Variants in CSMD3 observed in about 807,000 individuals in gnomAD.
CSMD3 encodes CUB and Sushi multiple domains 3.
A neutral mutation model predicts 435.2 loss-of-function variants in CSMD3; 177 were observed. That is an observed-to-expected ratio of 0.41 (90% CI 0.36 to 0.46). CSMD3 has a LOEUF of 0.46. Ranked by LOEUF, CSMD3 falls within the 20% of genes least tolerant of loss-of-function variation. The pLI is 0.34. For synonymous variants in CSMD3, 1,656 were observed against 1,520.5 expected (o/e 1.09, Z -2.07); for missense variants, 4,265 against 4,504.6 (o/e 0.95, Z 1.52).
chr8:113,096,193 A>G (rs182704138), intron 5 of CSMD3, among the ~76,000 whole-genome samples: 132 of 152,242 alleles, frequency 8.7e-4, no homozygotes, highest in Admixed American at 3.9e-3. Flanking sequence ...CTACAGATTT[A>G]TTAGCCATCT....
chr8:112,407,372 C>T (rs1831949760), intron 34 of CSMD3, among the ~76,000 whole-genome samples: 1 of 151,292 alleles, frequency 6.6e-6, no homozygotes, highest in South Asian at 2.1e-4. Flanking sequence ...TTAATTGTGC[C>T]TTTTTTTTGG....
intron 38 of CSMD3, among the ~76,000 whole-genome samples, chr8:112,373,024 T>A (rs13277823): frequency 0.45 from 37,404 of 82,586 alleles, 5,316 homozygotes; most frequent in African/African-American, 0.47. Flanking sequence ...ATATATATAT[T>A]TTTTTTCTCA....
intron 35 of CSMD3, 60 bp from the exon 36 acceptor site, chr8:112,390,848 G>A (rs2129729421): frequency 1.3e-6 from 2 of 1,482,552 alleles, no homozygotes; most frequent in South Asian, 2.3e-5. Flanking sequence ...TAAAATAAGA[G>A]TAAAGGTCAG....
intron 1 of CSMD3, among the ~76,000 whole-genome samples, chr8:113,367,347 T>C (rs2133032026): frequency 6.6e-6 from 1 of 152,006 alleles, no homozygotes; most frequent in African/African-American, 2.4e-5. Context: ...ATGAAGAAAG[T>C]AAAATAAATC....
intron 11 of CSMD3, among the ~76,000 whole-genome samples, chr8:112,836,782 C>A (rs1032367643): frequency 6.6e-6 from 1 of 151,630 alleles, no homozygotes; most frequent in African/African-American, 2.4e-5. Flanking sequence ...TTAAGTCATT[C>A]GATTTGAGGT....
chr8:112,593,871 A>G (rs1271585884), intron 22 of CSMD3, among the ~76,000 whole-genome samples: 11 of 152,212 alleles, frequency 7.2e-5, no homozygotes, highest in Non-Finnish European at 1.5e-5. Context: ...GTAAAGGGTC[A>G]GGGGTGATAC....
At chr8:112,478,727 A>G (rs893261927) in intron 31 of CSMD3, among the ~76,000 whole-genome samples, 1 of 152,284 alleles carries the variant, frequency 6.6e-6, no homozygotes, top group Middle Eastern at 3.4e-3. Context: ...CAAGCAAAAA[A>G]CAGCTTGAAG....
At chr8:112,981,981 T>C (rs1027388554) in intron 6 of CSMD3, among the ~76,000 whole-genome samples, 2 of 151,774 alleles carry the variant, frequency 1.3e-5, no homozygotes, top group Middle Eastern at 3.2e-3. Context: ...GTACAAAAAA[T>C]ATAATAAGAG....
chr8:112,250,180 T>C (rs1049733858), intron 63 of CSMD3, among the ~76,000 whole-genome samples: 4 of 151,996 alleles, frequency 2.6e-5, no homozygotes, highest in African/African-American at 7.2e-5. Flanking sequence ...GTATAAGAAA[T>C]ATGTTGGACT....
At chr8:112,260,035 C>A (rs551343314) in intron 61 of CSMD3, among the ~76,000 whole-genome samples, 22 of 152,204 alleles carry the variant, frequency 1.4e-4, no homozygotes, top group African/African-American at 5.1e-4. Flanking sequence ...ATGTATAAAC[C>A]AAACAACCTA....
At chr8:113,001,036 G>GCAA (rs1423353152) in intron 6 of CSMD3, among the ~76,000 whole-genome samples, 2 of 151,792 alleles carry the variant, frequency 1.3e-5, no homozygotes, top group African/African-American at 4.8e-5. Context: ...TTTGGTCATA[G>GCAA]CAACATTCAA....
intron 5 of CSMD3, among the ~76,000 whole-genome samples, chr8:113,051,014 A>C (rs1307735223): frequency 2.0e-5 from 3 of 152,116 alleles, no homozygotes; most frequent in African/African-American, 7.2e-5. Flanking sequence ...TGTGTTGTGA[A>C]GGAATTATTT....
At chr8:113,366,858 T>C (rs910956738) in intron 1 of CSMD3, among the ~76,000 whole-genome samples, 4 of 152,082 alleles carry the variant, frequency 2.6e-5, no homozygotes, top group Admixed American at 2.6e-4. Context: ...GCACAATGAT[T>C]ATACAAGACA....
intron 32 of CSMD3, among the ~76,000 whole-genome samples, chr8:112,448,449 A>T (rs969600027): frequency 2.6e-5 from 4 of 152,168 alleles, no homozygotes; most frequent in African/African-American, 9.7e-5. Context: ...GCACACGTAC[A>T]CACATACAAC....
intron 34 of CSMD3, 49 bp downstream of exon 34, chr8:112,408,269 G>T: frequency 1.0e-6 from 1 of 989,420 alleles, no homozygotes; most frequent in South Asian, 1.3e-5. Context: ...TACATCATGG[G>T]AAAATTATAT....
chr8:113,242,508 A>C (rs895052466), intron 3 of CSMD3, among the ~76,000 whole-genome samples: 1 of 152,124 alleles, frequency 6.6e-6, no homozygotes, highest in South Asian at 2.1e-4. Context: ...ATCATATATT[A>C]TTGCTAACCC....
chr8:112,811,411 CACTT>C (rs1014792726), intron 12 of CSMD3, among the ~76,000 whole-genome samples: 4 of 107,470 alleles, frequency 3.7e-5, no homozygotes, highest in African/African-American at 7.1e-5. Context: ...CTAAAGAAAA[CACTT>C]ACAAGTTTTA....
At chr8:113,228,238 C>T (rs1001057355) in intron 3 of CSMD3, among the ~76,000 whole-genome samples, 1 of 151,562 alleles carries the variant, frequency 6.6e-6, no homozygotes, top group Admixed American at 6.6e-5. Context: ...TTTGTTTACA[C>T]ACCATATTTC....
chr8:112,672,349 G>A (rs898968187), intron 16 of CSMD3, among the ~76,000 whole-genome samples: 2 of 152,120 alleles, frequency 1.3e-5, no homozygotes, highest in South Asian at 4.1e-4. Context: ...AGGAGGAGCA[G>A]TTCATGGGGG....
Sources: allele counts gnomAD v4.1 joint callset (sites outside exome capture counted in the v4.1 genomes callset), GRCh38; gene constraint gnomAD v4.1.1; transcripts MANE v1.5; gene names NCBI Gene and HGNC (gene_info 2026-07-23, HGNC 2026-07-21).